Variants in GRM8 observed in about 807,000 individuals in gnomAD.
GRM8 encodes metabotropic glutamate receptor 8.
A neutral mutation model predicts 87.2 loss-of-function variants in GRM8; 47 were observed. The ratio of observed to expected loss-of-function variants is 0.54; its 90% CI spans 0.43 to 0.69. The LOEUF is 0.69. Among genes scored for constraint, GRM8 ranks in the 30% least tolerant of loss-of-function variants. The pLI, the probability that GRM8 is intolerant of heterozygous loss-of-function variation, is 0.00. For missense variants in GRM8, 1,019 were observed against 1,139.2 expected (o/e 0.89, Z 1.52); for synonymous variants, 396 against 404.5 (o/e 0.98, Z 0.25).
chr7:126,570,424 G>T (rs574348352), intron 8 of GRM8, among the ~76,000 whole-genome samples: 1 of 152,238 alleles, frequency 6.6e-6, no homozygotes, highest in African/African-American at 2.4e-5. Flanking sequence ...AGCCACTCCA[G>T]CTGCAATAGC....
chr7:127,039,824 A>G (rs1269755523), intron 3 of GRM8, among the ~76,000 whole-genome samples: 1 of 56,700 alleles, frequency 1.8e-5, no homozygotes, highest in Non-Finnish European at 3.4e-5. Flanking sequence ...AAGGGAGAAG[A>G]AGGGGAAGGG....
At chr7:126,859,690 A>G (rs1381778118) in intron 6 of GRM8, among the ~76,000 whole-genome samples, 1 of 152,212 alleles carries the variant, frequency 6.6e-6, no homozygotes, top group Non-Finnish European at 1.5e-5. Context: ...ATAATTACAT[A>G]CAATTTGAGT....
chr7:127,209,621 G>A (rs1010842431), intron 2 of GRM8, among the ~76,000 whole-genome samples: 3 of 152,142 alleles, frequency 2.0e-5, no homozygotes, highest in Admixed American at 2.0e-4. Flanking sequence ...CGGGGAAAAG[G>A]GGCAGGGTCC....
intron 2 of GRM8, among the ~76,000 whole-genome samples, chr7:127,222,640 C>T (rs1486605565): frequency 6.6e-6 from 1 of 152,142 alleles, no homozygotes; most frequent in African/African-American, 2.4e-5. Context: ...AGATTATTGA[C>T]AAAATATCCG....
In GRM8 at chr7:127,242,691, C is replaced by T. The variant is rs758978442; in HGVS notation, c.510+4G>A. ...ATGGTCAGAAAGACAATGCCTTTAC[C>T]TACCTTAAAAAGTCTTAAAATGTTA... is the stretch of plus-strand genomic sequence containing the variant. On this transcript the variant is annotated splice_donor_region_variant and intron_variant, in intron 2 of 10. Transcript: ENST00000339582. 6.2e-6 allele frequency: 10 copies of T among 1,611,628 alleles called. No individual in the cohort carries two copies. In the Admixed American group the frequency reaches 1.7e-4, roughly 27 times the overall value.
In GRM8 at chr7:126,533,454, G is replaced by C; in HGVS notation, c.1928C>G (p.Pro643Arg). ...TCGGAAGGAGCATATGATTGTATCTGGTGCTGCAATCATTAAAAACGTGAT... is the reference window on the plus strand; with the variant it reads ...TCGGAAGGAGCATATGATTGTATCTCGTGCTGCAATCATTAAAAACGTGAT... ...YSITFLMIAA[P>R]DTIICSFRRV... Residue 643 changes from proline (P) to arginine (R), a missense_variant, in exon 9 of 11, where the codon CCA becomes CGA. Physicochemically the swap from Pro to Arg is moderately radical, Grantham distance 103 (BLOSUM62 -2). Transcript: ENST00000339582. 2 of 1,613,670 alleles carry C rather than the reference G, an allele frequency of 1.2e-6. No homozygotes were observed. The highest frequency in any genetic ancestry group is 1.1e-5 in the South Asian group (1 of 91,060).
At chr7:127,034,079 A>C (rs1817632239) in intron 3 of GRM8, among the ~76,000 whole-genome samples, 1 of 152,222 alleles carries the variant, frequency 6.6e-6, no homozygotes, top group Non-Finnish European at 1.5e-5. Flanking sequence ...AAGGAAATGC[A>C]AGACAAACTA....
intron 7 of GRM8, among the ~76,000 whole-genome samples, chr7:126,646,006 C>A (rs1802999342): frequency 6.6e-6 from 1 of 152,154 alleles, no homozygotes. Flanking sequence ...CCCTCCCTCT[C>A]TGTCTCTAGA....
chr7:127,188,878 C>G (rs1794876571), intron 2 of GRM8, among the ~76,000 whole-genome samples: 1 of 152,198 alleles, frequency 6.6e-6, no homozygotes, highest in Admixed American at 6.5e-5. Flanking sequence ...AATCAGTTCT[C>G]CACACTCCTA....
intron 2 of GRM8, among the ~76,000 whole-genome samples, chr7:127,174,691 C>G (rs1380804151): frequency 6.6e-6 from 1 of 152,100 alleles, no homozygotes; most frequent in Non-Finnish European, 1.5e-5. Flanking sequence ...ACACTTAGCA[C>G]CAAAAGTTGA....
intron 8 of GRM8, among the ~76,000 whole-genome samples, chr7:126,600,701 C>T (rs1797655738): frequency 6.6e-6 from 1 of 152,084 alleles, no homozygotes; most frequent in Non-Finnish European, 1.5e-5. Context: ...ATTTAATCAC[C>T]TTAACACTTG....
intron 6 of GRM8, among the ~76,000 whole-genome samples, chr7:126,834,857 G>A (rs1346857943): frequency 2.0e-5 from 3 of 152,040 alleles, no homozygotes; most frequent in Non-Finnish European, 2.9e-5. Flanking sequence ...CAGCACGTTG[G>A]GAGGCCAAGC....
chr7:126,826,114 C>A (rs1050574909), intron 6 of GRM8, among the ~76,000 whole-genome samples: 18 of 152,194 alleles, frequency 1.2e-4, no homozygotes, highest in African/African-American at 4.3e-4. Context: ...TTAATCCAGT[C>A]TATCATTGTT....
At chr7:126,855,472 CTTT>C (rs11428822) in intron 6 of GRM8, among the ~76,000 whole-genome samples, 4 of 136,954 alleles carry the variant, frequency 2.9e-5, no homozygotes, top group African/African-American at 2.7e-5. Context: ...TATGATTTAT[CTTT>C]TTTTTTTTTT....
At chr7:127,219,976 T>C (rs1025958834) in intron 2 of GRM8, among the ~76,000 whole-genome samples, 1 of 152,190 alleles carries the variant, frequency 6.6e-6, no homozygotes, top group East Asian at 1.9e-4. Context: ...GGTAAGACTT[T>C]CCTTTTGCTG....
rs141954673 is a variant in GRM8, at chr7:126,813,137, C to T, written c.1157-43072G>A. Among the ~76,000 whole-genome samples, 422 of 152,080 alleles carry T rather than the reference C, an allele frequency of 2.8e-3. 5 individuals are homozygous for T. Among genetic ancestry groups the T allele is most frequent in the African/African-American group, 9.6e-3 (399 of 41,504 alleles). On this transcript the variant is annotated intron_variant, in intron 6 of 10. Coordinates refer to ENST00000339582, the MANE Select transcript of GRM8 (RefSeq NM_000845.3). ...GACCCAGGTTTACCTATATAACCTA[C>T]GCATGTACCCCTGAACTTAAAAGTT...
intron 7 of GRM8, among the ~76,000 whole-genome samples, chr7:126,763,417 A>G (rs1008371039): frequency 7.0e-6 from 1 of 142,702 alleles, no homozygotes; most frequent in African/African-American, 2.5e-5. Context: ...GAGTTCTAAA[A>G]GCCACCATTA....
intron 6 of GRM8, among the ~76,000 whole-genome samples, chr7:126,888,691 T>G (rs980453518): frequency 6.6e-6 from 1 of 152,118 alleles, no homozygotes; most frequent in African/African-American, 2.4e-5. Flanking sequence ...ATCCAACAGC[T>G]TAGCTAGCAC....
chr7:126,466,169 G>T (rs1804481748), intron 9 of GRM8, among the ~76,000 whole-genome samples: 1 of 151,268 alleles, frequency 6.6e-6, no homozygotes, highest in African/African-American at 2.4e-5. Flanking sequence ...CTTAAAAAAG[G>T]TACTTTTTTT....
Sources: gnomAD v4.1 joint callset for allele counts (sites outside exome capture counted in the v4.1 genomes callset) on GRCh38, gnomAD v4.1.1 for gene constraint, MANE v1.5 for transcripts, NCBI Gene and HGNC (gene_info 2026-07-23, HGNC 2026-07-21) for gene names.